The following TMEM94 variants were observed in gnomAD, a reference collection of about 807,000 sequenced individuals.
TMEM94 encodes transmembrane protein 94, also known as ER Mg2+ ATPase.
Under a neutral mutation model 158.6 loss-of-function variants are expected in TMEM94, and 81 were observed. The observed-to-expected ratio is 0.51, with a 90% CI of 0.43 to 0.61. The LOEUF (loss-of-function observed/expected upper bound fraction) is 0.61, where lower values mean the gene tolerates loss of function less well. Ranked by LOEUF, TMEM94 falls within the 20% of genes least tolerant of loss-of-function variation. The pLI, the probability that TMEM94 is intolerant of heterozygous loss-of-function variation, is 0.00. For synonymous variants in TMEM94, 751 were observed against 730.7 expected (o/e 1.03, Z -0.45); for missense variants, 1,435 against 1,762.0 (o/e 0.81, Z 3.32).
chr17:75,458,095 T>C (rs1159728964), intron 1 of TMEM94, among the ~76,000 whole-genome samples: 1 of 152,132 alleles, frequency 6.6e-6, no homozygotes, highest in African/African-American at 2.4e-5. Flanking sequence ...GGGGCGTAAA[T>C]TATTTTAGTG....
At chr17:75,464,142 A>G (rs1243302722) in intron 1 of TMEM94, among the ~76,000 whole-genome samples, 2 of 152,132 alleles carry the variant, frequency 1.3e-5, no homozygotes, top group Non-Finnish European at 2.9e-5. Context: ...AGCAGGAGGC[A>G]TCCACCCCTT....
At chr17:75,465,756 C>T (rs140071161) in intron 1 of TMEM94, among the ~76,000 whole-genome samples, 123 of 150,808 alleles carry the variant, frequency 8.2e-4, no homozygotes, top group African/African-American at 3.0e-3. Flanking sequence ...TCAGGCTAGA[C>T]TCAAACTCTT....
chr17:75,495,827 C>T lies in TMEM94; in HGVS notation c.2945-139C>T. On this transcript the variant is annotated intron_variant, in intron 22 of 31. Transcript: ENST00000314256. This position sits in a 1 kb window ranked among gnomAD's most constrained non-coding sequence, Gnocchi z 5.6. Reference sequence around the variant, plus strand: ...TCAGAAGTGCCGATGTTCACATGATCCCGCTGCCGGGGGTGGGATTGTTTC... The same window carrying T: ...TCAGAAGTGCCGATGTTCACATGATTCCGCTGCCGGGGGTGGGATTGTTTC... The T allele has an allele frequency of 3.8e-6, 3 of 796,334 alleles. No homozygotes were observed. Among genetic ancestry groups the T allele is most frequent in the Non-Finnish European group, 6.2e-6 (3 of 485,612 alleles). 49.3% of individuals were successfully genotyped at this position (796,334 alleles called of 1,614,324 possible).
At position 75,489,021 on chromosome 17, in the gene TMEM94, T is replaced by A; in HGVS notation, c.764+111T>A. The A allele has an allele frequency of 8.5e-7, 1 of 1,182,680 alleles. No individual in the cohort carries two copies. Among genetic ancestry groups the A allele is most frequent in the Non-Finnish European group, 1.2e-6 (1 of 832,198 alleles). 73.3% of individuals were successfully genotyped at this position (1,182,680 alleles called of 1,614,324 possible). ...CTCGAGGTTCTCTTGAGGGCAGGCA[T>A]CTCCTTAGGCTCCTGTCCTTAACAT... On this transcript the variant is annotated intron_variant, in intron 7 of 31. Transcript: ENST00000314256. This position sits in a 1 kb window ranked among gnomAD's most constrained non-coding sequence, Gnocchi z 5.0.
At position 75,492,767 on chromosome 17, in the gene TMEM94, C is replaced by T; in HGVS notation, c.1890C>T (p.Leu630=). ...TGCCCGTCCATGTGCCCTGGGGCCTCTGCGAGCTTGCCCGCCTCATTGGTA... is the reference window on the plus strand; with the variant it reads ...TGCCCGTCCATGTGCCCTGGGGCCTTTGCGAGCTTGCCCGCCTCATTGGTA... The part of the protein sequence containing the change: ...AVLPVHVPWG[L]CELARLIGFT... Residue 630 remains leucine (L), a synonymous_variant, in exon 15 of 32, where the codon CTC becomes CTT. Coordinates refer to ENST00000314256, the MANE Select transcript of TMEM94 (RefSeq NM_014738.6). This position sits in a 1 kb window ranked among gnomAD's most constrained non-coding sequence, Gnocchi z 4.4. 4 of 1,607,244 alleles carry T rather than the reference C, an allele frequency of 2.5e-6. No homozygotes were observed. The highest frequency in any genetic ancestry group is 1.1e-5 in the South Asian group (1 of 91,048).
intron 11 of TMEM94, 88 bp from the exon 12 acceptor site, chr17:75,490,961 T>C: frequency 1.7e-6 from 2 of 1,144,150 alleles, no homozygotes; most frequent in Non-Finnish European, 2.5e-6. Context: ...AACTTCGTGG[T>C]GCTCCCCTGG....
Position 75,500,243 on chromosome 17 carries a change from G to A in TMEM94, c.*909G>A, listed in dbSNP as rs1289922165. ...GGGTCAGGGGTCCCCATGTCACAGA[G>A]GCAAACACACAGCCCAGTCACGTGG... On this transcript the variant is annotated 3_prime_UTR_variant, in exon 32 of 32. Coordinates refer to ENST00000314256, the MANE Select transcript of TMEM94 (RefSeq NM_014738.6). 1 of 152,268 alleles carries A rather than the reference G, an allele frequency of 6.6e-6. No homozygotes were observed. The highest frequency in any genetic ancestry group is 1.5e-5 in the Non-Finnish European group (1 of 68,110). 9.4% of individuals were successfully genotyped at this position (152,268 alleles called of 1,614,324 possible). A position where few individuals can be genotyped will look rare whatever the true frequency, so the allele number is the denominator to read the frequency against.
At chr17:75,462,022 T>TTTTTTTTG (rs1186793856) in intron 1 of TMEM94, among the ~76,000 whole-genome samples, 1 of 137,030 alleles carries the variant, frequency 7.3e-6, no homozygotes. Flanking sequence ...TTTTTTTTTT[T>TTTTTTTTG]TTTGAGGCAG....
intron 10 of TMEM94, 138 bp from the exon 11 acceptor site, chr17:75,490,564 G>C (rs1187724780): frequency 3.4e-6 from 3 of 883,042 alleles, no homozygotes; most frequent in Admixed American, 2.5e-5. Context: ...TCCACCAGGT[G>C]GGGAGTCAGA....
intron 2 of TMEM94, among the ~76,000 whole-genome samples, chr17:75,474,317 C>T (rs569001954): frequency 6.6e-6 from 1 of 152,092 alleles, no homozygotes; most frequent in African/African-American, 2.4e-5. Context: ...ACCAGCCTGA[C>T]CAAAATGGTG....
intron 2 of TMEM94, among the ~76,000 whole-genome samples, chr17:75,481,100 T>C (rs538561280): frequency 2.0e-5 from 3 of 152,330 alleles, no homozygotes; most frequent in African/African-American, 7.2e-5. Flanking sequence ...CCTGTTTCTC[T>C]TCCTCCCTTA....
rs144722615 is a variant in TMEM94 at position 75,496,789 on chromosome 17, G to A, written c.3303G>A (p.Leu1101=). 585 of 1,613,806 alleles carry A rather than the reference G, an allele frequency of 3.6e-4. 11 individuals carry two copies. The South Asian group carries it at 5.9e-3, about 16-fold the overall frequency. ...TCCTCTTCCTGCTGCAGTGCCAGCTGACTCTTGTGGTCATCCAGGTGAGGT... is the reference window on the plus strand; with the variant it reads ...TCCTCTTCCTGCTGCAGTGCCAGCTAACTCTTGTGGTCATCCAGGTGAGGT... The part of the protein sequence containing the change: ...KCFLFLLQCQ[L]TLVVIQFLSC... The change falls in exon 25 of 32, where the codon CTG becomes CTA. Residue 1101 remains leucine (L), a synonymous_variant. Transcript: ENST00000314256.
chr17:75,475,805 C>G (rs920797631), intron 2 of TMEM94, among the ~76,000 whole-genome samples: 1 of 152,208 alleles, frequency 6.6e-6, no homozygotes, highest in African/African-American at 2.4e-5. Flanking sequence ...CCGGCTCTTC[C>G]CTGCATGGCT....
chr17:75,495,887 C>G lies in TMEM94; in HGVS notation c.2945-79C>G. The G allele has an allele frequency of 9.3e-7, 1 of 1,073,204 alleles. No individual in the cohort carries two copies. Among genetic ancestry groups the G allele is most frequent in the South Asian group, 1.3e-5 (1 of 74,944 alleles). 66.5% of individuals were successfully genotyped at this position (1,073,204 alleles called of 1,614,324 possible). ...CCCACCTCCCATCGCCTCCTGCTCT[C>G]CTGTCCCATGGGTCTCTGCCCAGTG... On this transcript the variant is annotated intron_variant, in intron 22 of 31. Coordinates refer to ENST00000314256, the MANE Select transcript of TMEM94 (RefSeq NM_014738.6). This position sits in a 1 kb window ranked among gnomAD's most constrained non-coding sequence, Gnocchi z 5.6.
At chr17:75,465,873 AT>A (rs1567908369) in intron 1 of TMEM94, among the ~76,000 whole-genome samples, 1 of 151,008 alleles carries the variant, frequency 6.6e-6, no homozygotes, top group African/African-American at 2.4e-5. Flanking sequence ...AAGAGTGGAA[AT>A]TTTTTTTATT....
chr17:75,478,982 G>T (rs1292716503), intron 2 of TMEM94, among the ~76,000 whole-genome samples: 2 of 152,188 alleles, frequency 1.3e-5, no homozygotes, highest in Non-Finnish European at 2.9e-5. Flanking sequence ...CTGTTTCTCA[G>T]ATAATAAGAA....
rs1231999356 is a variant in TMEM94 at position 75,488,628 on chromosome 17, CT to C, written c.613-130del. ...CGCTAAAAGTCTAGTCCCACAGGCC[CT>C]GTCCCAGTGGACTCTGGGCTAACTG... On this transcript the variant is annotated intron_variant, in intron 6 of 31. Coordinates refer to ENST00000314256, the MANE Select transcript of TMEM94 (RefSeq NM_014738.6). 2.8e-6 allele frequency: 3 copies of C among 1,053,496 alleles called. No individual in the cohort carries two copies. In the African/African-American group the frequency reaches 4.7e-5, roughly 17 times the overall value. 65.3% of individuals were successfully genotyped at this position (1,053,496 alleles called of 1,614,324 possible). A position where few individuals can be genotyped will look rare whatever the true frequency, so the allele number is the denominator to read the frequency against.
At chr17:75,476,804 TG>T (rs1216034670) in intron 2 of TMEM94, 1 of 1,533,748 alleles carries the variant, frequency 6.5e-7, no homozygotes, top group Non-Finnish European at 8.7e-7. Flanking sequence ...CTGCTTTGTG[TG>T]GGAGTCTTCG....
chr17:75,500,155 G>A lies in TMEM94; in HGVS notation c.*821G>A, dbSNP rs2053143799. 1 of 152,330 alleles carries A rather than the reference G, an allele frequency of 6.6e-6. No individual in the cohort carries two copies. Among genetic ancestry groups the A allele is most frequent in the South Asian group, 2.1e-4 (1 of 4,838 alleles). 9.4% of individuals were successfully genotyped at this position (152,330 alleles called of 1,614,324 possible). On this transcript the variant is annotated 3_prime_UTR_variant, in exon 32 of 32. Transcript: ENST00000314256. ...CCCCCGGCGGTGGCTGGCAAAGGGA[G>A]GCCTAAACCTTCCTCCATCTACGCG...
Sources: gnomAD v4.1 joint callset for allele counts (sites outside exome capture counted in the v4.1 genomes callset) on GRCh38, gnomAD v4.1.1 for gene constraint, Gnocchi (gnomAD v3.1) non-coding constraint, MANE v1.5 for transcripts, NCBI Gene and HGNC (gene_info 2026-07-23, HGNC 2026-07-21) for gene names.